ANKRD12: variants seen among roughly 807,000 people sequenced by gnomAD.
ANKRD12 encodes ankyrin repeat domain-containing protein 12.
In ANKRD12, 85 loss-of-function variants were observed where a neutral mutation model predicts 183.4. The observed-to-expected ratio is 0.46, with a 90% CI of 0.39 to 0.56. The LOEUF is 0.56. Among genes scored for constraint, ANKRD12 ranks in the 20% least tolerant of loss-of-function variants. ANKRD12 has a pLI of 0.00. For synonymous variants in ANKRD12, 914 were observed against 800.2 expected, an observed-to-expected ratio of 1.14 and a Z score of -2.40; for missense variants, 2,405 against 2,357.1, an observed-to-expected ratio of 1.02 and a Z score of -0.42.
Position 9,195,625 on chromosome 18 carries a change from G to A in ANKRD12, c.162G>A (p.Glu54=), listed in dbSNP as rs371617857. 3.7e-6 allele frequency: 6 copies of A among 1,612,984 alleles called. No individual in the cohort carries two copies. Among genetic ancestry groups the A allele is most frequent in the Non-Finnish European group, 5.1e-6 (6 of 1,179,526 alleles). ...GTGATGTGAGCAAGGAGATGAAAGA[G>A]AAATCATCCATGAAACGTAAACTTC... is the stretch of plus-strand genomic sequence containing the variant. ...ERSDVSKEMK[E]KSSMKRKLPF... The change falls in exon 3 of 13, where the codon GAG becomes GAA. Residue 54 remains glutamate (E), a synonymous_variant. Coordinates refer to ENST00000262126, the MANE Select transcript of ANKRD12 (RefSeq NM_015208.5).
rs1427368425 is a variant in ANKRD12 at position 9,219,408 on chromosome 18, G to A, written c.796-2444G>A. Among the ~76,000 whole-genome samples, 5 of 152,218 alleles carry A rather than the reference G, an allele frequency of 3.3e-5. No homozygotes were observed. In the East Asian group the frequency reaches 5.8e-4, roughly 18 times the overall value. On this transcript the variant is annotated intron_variant, in intron 7 of 12. Coordinates refer to ENST00000262126, the MANE Select transcript of ANKRD12 (RefSeq NM_015208.5). ...CAAATCCCTAAAATGACAGTAAGGG[G>A]CAGTTTCAAAGGATAGACCCACAAG...
chr18:9,204,638 CAT>C, intron 4 of ANKRD12, 94 bp downstream of exon 4: 1 of 936,110 alleles, frequency 1.1e-6, no homozygotes, highest in Non-Finnish European at 1.6e-6. Context: ...TTCAAACCAG[CAT>C]ATAGATATCT....
intron 10 of ANKRD12, among the ~76,000 whole-genome samples, chr18:9,270,425 A>G (rs1220583615): frequency 2.0e-5 from 3 of 152,354 alleles, no homozygotes; most frequent in South Asian, 4.1e-4. Context: ...GTGCAATACT[A>G]TGCAGCCATA....
At chr18:9,248,850 A>G (rs1009040887) in intron 8 of ANKRD12, among the ~76,000 whole-genome samples, 2 of 152,346 alleles carry the variant, frequency 1.3e-5, no homozygotes, top group African/African-American at 4.8e-5. Flanking sequence ...GTCATGGCAT[A>G]TGGATGAAAT....
chr18:9,253,166 A>G (rs1339101749), intron 8 of ANKRD12, among the ~76,000 whole-genome samples: 1 of 152,160 alleles, frequency 6.6e-6, no homozygotes, highest in Non-Finnish European at 1.5e-5. Flanking sequence ...AACCAAGGTA[A>G]TTGGTTTACC....
In ANKRD12 at chr18:9,256,633, TAAAG is replaced by T. The variant is rs2038643274; in HGVS notation, c.3370_3373del (p.Glu1124LysfsTer22). ...ACTGTTTAGAACTTAAAATAAAAGA[TAAAG>T]AAAAAACAAAGCATACACCAACTGA... On this transcript the variant is annotated frameshift_variant, in exon 9 of 13. Coordinates refer to ENST00000262126, the MANE Select transcript of ANKRD12 (RefSeq NM_015208.5). LOFTEE classifies it high-confidence loss of function. 3.1e-6 allele frequency: 5 copies of T among 1,605,740 alleles called. No homozygotes were observed. Among genetic ancestry groups the T allele is most frequent in the Non-Finnish European group, 3.4e-6 (4 of 1,178,032 alleles).
At chr18:9,265,930 C>T (rs541230834) in intron 10 of ANKRD12, among the ~76,000 whole-genome samples, 1 of 152,178 alleles carries the variant, frequency 6.6e-6, no homozygotes, top group Admixed American at 6.5e-5. Flanking sequence ...CCTTAAAGGA[C>T]CTGATGGAAC....
intron 8 of ANKRD12, among the ~76,000 whole-genome samples, chr18:9,243,803 A>G (rs766069449): frequency 2.0e-5 from 3 of 152,254 alleles, no homozygotes; most frequent in Non-Finnish European, 2.9e-5. Context: ...ATTATCTTAC[A>G]AAATGCAAAT....
At chr18:9,137,318 G>A (rs1038868669) in intron 1 of ANKRD12, among the ~76,000 whole-genome samples, 1 of 146,576 alleles carries the variant, frequency 6.8e-6, no homozygotes, top group Middle Eastern at 3.2e-3. Flanking sequence ...GCGGGGGCCG[G>A]GCGGAGGGCC....
chr18:9,255,818 CA>C lies in ANKRD12; in HGVS notation c.2552del (p.His851LeufsTer8). On this transcript the variant is annotated frameshift_variant, in exon 9 of 13. Transcript: ENST00000262126. LOFTEE classifies it high-confidence loss of function. ...FEKEKKIKHE[H>X]KSEKDKLDLS... ...AAAAGAAAAGAAGATAAAACATGAG[CA>C]TAAGTCAGAAAAAGACAAATTAGAT... The C allele has an allele frequency of 6.4e-7, 1 of 1,574,628 alleles. No homozygotes were observed. Among genetic ancestry groups the C allele is most frequent in the Non-Finnish European group, 8.6e-7 (1 of 1,168,586 alleles).
chr18:9,234,489 C>G (rs2037232184), intron 8 of ANKRD12, among the ~76,000 whole-genome samples: 1 of 152,154 alleles, frequency 6.6e-6, no homozygotes, highest in African/African-American at 2.4e-5. Flanking sequence ...GTTTTTGGTA[C>G]AGTGCACCAT....
chr18:9,141,375 G>A (rs1013215182), intron 1 of ANKRD12, among the ~76,000 whole-genome samples: 2 of 152,132 alleles, frequency 1.3e-5, no homozygotes, highest in Admixed American at 1.3e-4. Flanking sequence ...TCATCACAGT[G>A]ACTGAAGAAA....
chr18:9,158,063 A>T (rs2030868859), intron 1 of ANKRD12, among the ~76,000 whole-genome samples: 1 of 152,122 alleles, frequency 6.6e-6, no homozygotes, highest in Non-Finnish European at 1.5e-5. Context: ...TCTGAAGAGG[A>T]TGGAGTCGTT....
At chr18:9,222,490 A>G (rs143965406) in intron 8 of ANKRD12, among the ~76,000 whole-genome samples, 2,044 of 149,354 alleles carry the variant, frequency 0.014, 57 homozygotes, top group African/African-American at 0.047. Context: ...TTTAAACACA[A>G]TTTTTTTTTA....
intron 1 of ANKRD12, among the ~76,000 whole-genome samples, chr18:9,151,994 A>T (rs2078700398): frequency 6.6e-6 from 1 of 152,172 alleles, no homozygotes. Flanking sequence ...AAGCAGGAGG[A>T]TTACTTGAGG....
intron 2 of ANKRD12, among the ~76,000 whole-genome samples, chr18:9,187,874 C>T (rs572261317): frequency 9.3e-4 from 141 of 152,292 alleles, no homozygotes; most frequent in African/African-American, 3.2e-3. Context: ...ATATCCTTTT[C>T]GTCATCAGTG....
chr18:9,205,809 T>A (rs988484987), intron 4 of ANKRD12, among the ~76,000 whole-genome samples: 1 of 152,144 alleles, frequency 6.6e-6, no homozygotes. Flanking sequence ...TTCATCTATA[T>A]TTGAGTTGTG....
intron 2 of ANKRD12, among the ~76,000 whole-genome samples, chr18:9,183,571 T>C (rs1041016815): frequency 1.3e-5 from 2 of 152,252 alleles, no homozygotes; most frequent in African/African-American, 2.4e-5. Context: ...TGTAGTTATC[T>C]TTGTATCCTG....
At chr18:9,247,534 A>G (rs1243515244) in intron 8 of ANKRD12, among the ~76,000 whole-genome samples, 1 of 152,180 alleles carries the variant, frequency 6.6e-6, no homozygotes, top group Non-Finnish European at 1.5e-5. Context: ...AGTGTACTAC[A>G]ATATTATCAT....
Sources: allele counts gnomAD v4.1 joint callset (sites outside exome capture counted in the v4.1 genomes callset), GRCh38; gene constraint gnomAD v4.1.1; transcripts MANE v1.5; gene names NCBI Gene and HGNC (gene_info 2026-07-23, HGNC 2026-07-21).